The following DNAJC1 variants were observed in gnomAD, a reference collection of about 807,000 sequenced individuals.
DNAJC1 encodes DnaJ heat shock protein family (Hsp40) member C1.
Under a neutral mutation model 76.6 loss-of-function variants are expected in DNAJC1, and 58 were observed. That is an observed-to-expected ratio of 0.76 (90% CI 0.61 to 0.94). DNAJC1 has a LOEUF of 0.94. Ranked by LOEUF, DNAJC1 falls within the 40% of genes least tolerant of loss-of-function variation. The pLI, the probability that DNAJC1 is intolerant of heterozygous loss-of-function variation, is 0.00. For synonymous variants in DNAJC1, 258 were observed against 267.9 expected, an observed-to-expected ratio of 0.96 and a Z score of 0.36; for missense variants, 689 against 677.3, an observed-to-expected ratio of 1.02 and a Z score of -0.19.
intron 8 of DNAJC1, among the ~76,000 whole-genome samples, chr10:21,819,703 G>C (rs1411012591): frequency 3.3e-5 from 5 of 152,068 alleles, no homozygotes; most frequent in African/African-American, 1.2e-4. Flanking sequence ...GCTGAGGCGG[G>C]TAGATCACCT....
In DNAJC1 at chr10:21,883,251, A is replaced by AACACACACACACAC. The variant is rs3032395; in HGVS notation, c.821-826_821-813dup. 8.4e-3 allele frequency among the ~76,000 whole-genome samples: 1,085 copies of AACACACACACACAC among 128,988 alleles called. 22 individuals are homozygous for AACACACACACACAC. The highest frequency in any genetic ancestry group is 0.025 in the East Asian group (101 of 4,010). The allele number at this position is 128,988 out of a possible 152,430, so 84.6% of individuals were successfully genotyped here. On this transcript the variant is annotated intron_variant, in intron 7 of 11. Transcript: ENST00000376980. ...GGTGACAGAGTGAGATTCTATCTCA[A>AACACACACACACAC]ACACACACACACACACACACACACA... is the stretch of plus-strand genomic sequence containing the variant.
intron 8 of DNAJC1, among the ~76,000 whole-genome samples, chr10:21,877,543 A>G (rs1448247546): frequency 6.6e-6 from 1 of 152,202 alleles, no homozygotes; most frequent in African/African-American, 2.4e-5. Flanking sequence ...ACTTAGTAAG[A>G]TATCAGTATC....
At chr10:21,862,870 C>T (rs1400808790) in intron 8 of DNAJC1, among the ~76,000 whole-genome samples, 2 of 152,066 alleles carry the variant, frequency 1.3e-5, no homozygotes, top group African/African-American at 2.4e-5. Flanking sequence ...AGGTGGCTCA[C>T]GCCTGTAATC....
chr10:21,883,424 C>T (rs530320383), intron 7 of DNAJC1, among the ~76,000 whole-genome samples: 81 of 152,244 alleles, frequency 5.3e-4, no homozygotes, highest in African/African-American at 1.8e-3. Flanking sequence ...ATGTACTATA[C>T]TGCCAATGTA....
intron 11 of DNAJC1, among the ~76,000 whole-genome samples, chr10:21,758,747 A>G (rs181591009): frequency 1.3e-5 from 2 of 152,350 alleles, no homozygotes; most frequent in East Asian, 1.9e-4. Flanking sequence ...TACACAGCCA[A>G]TGGGCCTTGT....
intron 1 of DNAJC1, among the ~76,000 whole-genome samples, chr10:21,929,486 C>T (rs1210359419): frequency 6.6e-6 from 1 of 152,114 alleles, no homozygotes; most frequent in Non-Finnish European, 1.5e-5. Flanking sequence ...AAAATTAATA[C>T]ATCGGTGTGC....
chr10:21,761,883 T>TAA (rs1834245312), intron 10 of DNAJC1, among the ~76,000 whole-genome samples: 1 of 152,220 alleles, frequency 6.6e-6, no homozygotes, highest in Non-Finnish European at 1.5e-5. Context: ...ACCCCATCAA[T>TAA]AAAACATCTT....
chr10:21,771,215 T>C (rs1298519100), intron 9 of DNAJC1, among the ~76,000 whole-genome samples: 3 of 152,234 alleles, frequency 2.0e-5, no homozygotes, highest in South Asian at 2.1e-4. Flanking sequence ...AGATTTTCTA[T>C]ATATAAAATC....
At chr10:21,858,060 T>C (rs958608820) in intron 8 of DNAJC1, among the ~76,000 whole-genome samples, 4 of 152,196 alleles carry the variant, frequency 2.6e-5, no homozygotes, top group Admixed American at 1.3e-4. Flanking sequence ...TTTGAGATTA[T>C]CCTAAATTAT....
chr10:21,778,815 G>T (rs559554943), intron 9 of DNAJC1, among the ~76,000 whole-genome samples: 1 of 152,254 alleles, frequency 6.6e-6, no homozygotes, highest in Non-Finnish European at 1.5e-5. Context: ...CTCCCAGGAA[G>T]TGCAAAGGGT....
chr10:21,789,246 G>T (rs1834651050), intron 9 of DNAJC1, among the ~76,000 whole-genome samples: 1 of 152,138 alleles, frequency 6.6e-6, no homozygotes, highest in African/African-American at 2.4e-5. Flanking sequence ...GGCCACTGAG[G>T]CAGTCACATT....
At chr10:21,823,757 G>T (rs1029573571) in intron 8 of DNAJC1, among the ~76,000 whole-genome samples, 1 of 148,798 alleles carries the variant, frequency 6.7e-6, no homozygotes, top group African/African-American at 2.5e-5. Flanking sequence ...AAAAAAAGCA[G>T]AAAAATCCCA....
intron 1 of DNAJC1, among the ~76,000 whole-genome samples, chr10:21,973,354 T>C (rs1319961405): frequency 1.3e-5 from 2 of 152,218 alleles, no homozygotes; most frequent in East Asian, 1.9e-4. Context: ...GAAAGTCCTA[T>C]ATTTCTATTA....
chr10:21,946,049 C>CTTTTTTTT (rs71510915), intron 1 of DNAJC1, among the ~76,000 whole-genome samples: 54 of 93,322 alleles, frequency 5.8e-4, no homozygotes, highest in Non-Finnish European at 8.0e-4. Flanking sequence ...TTCTTTTCCT[C>CTTTTTTTT]TTTTTTTTTT....
chr10:21,938,516 G>C (rs986574679), intron 1 of DNAJC1, among the ~76,000 whole-genome samples: 2 of 152,134 alleles, frequency 1.3e-5, no homozygotes, highest in African/African-American at 4.8e-5. Context: ...TAAAGGGACA[G>C]ACAGTAAATA....
chr10:21,844,748 T>G (rs1050299738), intron 8 of DNAJC1, among the ~76,000 whole-genome samples: 2 of 152,160 alleles, frequency 1.3e-5, no homozygotes, highest in African/African-American at 4.8e-5. Flanking sequence ...AAAAAATAGA[T>G]TTTTGGCTGT....
chr10:21,975,434 T>C (rs1179381685), intron 1 of DNAJC1, among the ~76,000 whole-genome samples: 1 of 152,066 alleles, frequency 6.6e-6, no homozygotes, highest in Admixed American at 6.6e-5. Flanking sequence ...TGAAGTGGGC[T>C]GAAAAGGCAG....
chr10:21,792,044 A>G (rs886360679), intron 9 of DNAJC1, among the ~76,000 whole-genome samples: 4 of 152,140 alleles, frequency 2.6e-5, no homozygotes, highest in East Asian at 1.9e-4. Flanking sequence ...TCTGTGGTCA[A>G]AAAAAAATCT....
intron 11 of DNAJC1, among the ~76,000 whole-genome samples, chr10:21,758,698 T>C (rs149140207): frequency 5.3e-4 from 81 of 152,352 alleles, no homozygotes; most frequent in African/African-American, 1.9e-3. Context: ...ATCACGGTAA[T>C]ACCATCTATA....
Sources: gnomAD v4.1 joint callset for allele counts (sites outside exome capture counted in the v4.1 genomes callset) on GRCh38, gnomAD v4.1.1 for gene constraint, MANE v1.5 for transcripts, NCBI Gene and HGNC (gene_info 2026-07-23, HGNC 2026-07-21) for gene names.